Variants in TMEM63C observed in about 807,000 individuals in gnomAD.
TMEM63C encodes osmosensitive cation channel TMEM63C.
In TMEM63C, 32 loss-of-function variants were observed where a neutral mutation model predicts 99.2. That is an observed-to-expected ratio of 0.32 (90% CI 0.24 to 0.43). TMEM63C has a LOEUF of 0.43. Ranked by LOEUF, TMEM63C falls within the 20% of genes least tolerant of loss-of-function variation. The pLI is 1.00. For missense variants in TMEM63C, 826 were observed against 1,053.0 expected, an observed-to-expected ratio of 0.78 and a Z score of 2.98; for synonymous variants, 376 against 397.9, an observed-to-expected ratio of 0.94 and a Z score of 0.66.
chr14:77,258,707 G>A lies in TMEM63C; in HGVS notation c.*1981G>A, dbSNP rs1038921394. ...CAGGCCCTGCCCGACCCCATCATGT[G>A]TATTTGGTGTATGGGGTGTGGGGGG... On this transcript the variant is annotated 3_prime_UTR_variant, in exon 24 of 24. Coordinates refer to ENST00000298351, the MANE Select transcript of TMEM63C (RefSeq NM_020431.4). 1.3e-5 allele frequency: 2 copies of A among 149,034 alleles called. No individual in the cohort carries two copies. Among genetic ancestry groups the A allele is most frequent in the Non-Finnish European group, 3.0e-5 (2 of 67,360 alleles). The allele number at this position is 149,034 out of a possible 1,614,324, so 9.2% of individuals were successfully genotyped here.
At chr14:77,246,112 G>A (rs1420669657) in intron 17 of TMEM63C, 86 bp downstream of exon 17, 2 of 1,082,692 alleles carry the variant, frequency 1.8e-6, no homozygotes, top group African/African-American at 1.5e-5. Flanking sequence ...AGACCTGCCT[G>A]TGATTGCTGC....
At chr14:77,225,511 G>C (rs757355494) in intron 6 of TMEM63C, 50 bp downstream of exon 6, 26 of 1,602,866 alleles carry the variant, frequency 1.6e-5, no homozygotes, top group African/African-American at 4.0e-5. Flanking sequence ...TTGGGGGTGG[G>C]GGGTGGAGGC....
chr14:77,256,471 A>C (rs878949833), intron 23 of TMEM63C, 55 bp from the exon 24 acceptor site: 2 of 1,573,656 alleles, frequency 1.3e-6, no homozygotes, highest in Non-Finnish European at 1.7e-6. Flanking sequence ...GGGTGTGCCC[A>C]GGGCCTTGCC....
intron 21 of TMEM63C, 60 bp from the exon 22 acceptor site, chr14:77,251,729 A>T (rs1889363171): frequency 7.2e-7 from 1 of 1,398,166 alleles, no homozygotes; most frequent in Non-Finnish European, 1.0e-6. Flanking sequence ...GGCATCTGCC[A>T]GTTGGGGTGG....
At chr14:77,186,776 G>GTGTGT (rs1888001342) in intron 1 of TMEM63C, among the ~76,000 whole-genome samples, 2 of 138,438 alleles carry the variant, frequency 1.4e-5, no homozygotes, top group South Asian at 4.7e-4. Flanking sequence ...GAACCAAAGG[G>GTGTGT]GTGTGTGTGT....
At chr14:77,201,716 TG>T (rs1370674191) in intron 1 of TMEM63C, among the ~76,000 whole-genome samples, 4 of 152,236 alleles carry the variant, frequency 2.6e-5, no homozygotes, top group Non-Finnish European at 5.9e-5. Flanking sequence ...GACCCATTGC[TG>T]TAATGTTTCA....
chr14:77,256,103 G>A (rs1889456380), intron 23 of TMEM63C, among the ~76,000 whole-genome samples: 1 of 152,230 alleles, frequency 6.6e-6, no homozygotes. Flanking sequence ...CTTGAGGACA[G>A]GCCAAACCAG....
chr14:77,243,123 G>A, intron 15 of TMEM63C, 67 bp downstream of exon 15: 5 of 1,576,330 alleles, frequency 3.2e-6, no homozygotes, highest in Non-Finnish European at 4.3e-6. Context: ...AGGCGAGGAT[G>A]GGATGGGGGG....
intron 22 of TMEM63C, among the ~76,000 whole-genome samples, chr14:77,252,296 G>A (rs1431491517): frequency 6.6e-6 from 1 of 151,776 alleles, no homozygotes; most frequent in East Asian, 2.0e-4. Context: ...TCAAAAAGAG[G>A]GGGGATTGTC....
intron 1 of TMEM63C, among the ~76,000 whole-genome samples, chr14:77,202,506 T>G (rs1888315488): frequency 6.6e-6 from 1 of 152,160 alleles, no homozygotes; most frequent in Non-Finnish European, 1.5e-5. Context: ...CTGCAGGACC[T>G]AGGGGAGCAT....
At chr14:77,207,187 C>T (rs1462134024) in intron 1 of TMEM63C, among the ~76,000 whole-genome samples, 1 of 152,162 alleles carries the variant, frequency 6.6e-6, no homozygotes, top group Non-Finnish European at 1.5e-5. Flanking sequence ...AACTTCCTGG[C>T]AAGGAGAGGC....
At position 77,200,652 on chromosome 14, in the gene TMEM63C, G is replaced by T. The variant is rs1340929522; in HGVS notation, c.-76-12794G>T. Among the ~76,000 whole-genome samples, 7 of 152,248 alleles carry T rather than the reference G, an allele frequency of 4.6e-5. No individual in the cohort carries two copies. In the East Asian group the frequency reaches 5.8e-4, roughly 13 times the overall value. On this transcript the variant is annotated intron_variant, in intron 1 of 23. Transcript: ENST00000298351. ...CCCATCCTGGCTCTGCTGCCCCTGA[G>T]GGGTGGTGCATTTCCATCCAGGGGA...
At chr14:77,186,815 GTGTGTC>G (rs917894222) in intron 1 of TMEM63C, among the ~76,000 whole-genome samples, 4 of 146,498 alleles carry the variant, frequency 2.7e-5, no homozygotes, top group African/African-American at 5.2e-5. Context: ...GTGTGTGTGT[GTGTGTC>G]TGTGTGTGTC....
chr14:77,242,274 T>C (rs1201935709), intron 13 of TMEM63C, 73 bp from the exon 14 acceptor site: 21 of 1,557,038 alleles, frequency 1.3e-5, no homozygotes, highest in Non-Finnish European at 1.8e-5. Flanking sequence ...CCTGAGCTCC[T>C]GGCATGAGAC....
intron 15 of TMEM63C, 30 bp from the exon 16 acceptor site, chr14:77,244,319 C>G: frequency 1.3e-6 from 2 of 1,527,938 alleles, no homozygotes; most frequent in Non-Finnish European, 1.8e-6. Flanking sequence ...ATTGACGTCT[C>G]TCCTGCCGTC....
At position 77,219,989 on chromosome 14, in the gene TMEM63C, C is replaced by A; in HGVS notation, c.231-17C>A. The A allele has an allele frequency of 1.3e-6, 2 of 1,553,852 alleles. No individual in the cohort carries two copies. The highest frequency in any genetic ancestry group is 1.7e-6 in the Non-Finnish European group (2 of 1,148,272). ...TTCTCTCCTTTCTTACCTCCCTGCC[C>A]CTTCCCTGGCTGGCAGCCTGACCTC... On this transcript the variant is annotated splice_polypyrimidine_tract_variant and intron_variant, in intron 4 of 23. Coordinates refer to ENST00000298351, the MANE Select transcript of TMEM63C (RefSeq NM_020431.4).
At chr14:77,241,908 T>A (rs2140126471) in intron 13 of TMEM63C, among the ~76,000 whole-genome samples, 1 of 152,322 alleles carries the variant, frequency 6.6e-6, no homozygotes, top group South Asian at 2.1e-4. Flanking sequence ...CTCGATTTAG[T>A]CATCTGTGCA....
intron 16 of TMEM63C, among the ~76,000 whole-genome samples, chr14:77,245,309 C>A (rs1458223753): frequency 6.6e-6 from 1 of 152,178 alleles, no homozygotes; most frequent in Non-Finnish European, 1.5e-5. Flanking sequence ...CCTGATGCTC[C>A]CAGATGCAGC....
chr14:77,249,247 G>A (rs754922311), intron 20 of TMEM63C, 44 bp from the exon 21 acceptor site: 1 of 1,605,658 alleles, frequency 6.2e-7, no homozygotes, highest in South Asian at 1.1e-5. Flanking sequence ...CAAAGGTCCA[G>A]ACTTGAAGGG....
Sources: allele counts gnomAD v4.1 joint callset (sites outside exome capture counted in the v4.1 genomes callset), GRCh38; gene constraint gnomAD v4.1.1; transcripts MANE v1.5; gene names NCBI Gene and HGNC (gene_info 2026-07-23, HGNC 2026-07-21).